Variants in TBCEL observed in about 807,000 individuals in gnomAD.
TBCEL encodes the protein tubulin-specific chaperone cofactor E-like protein.
TBCEL carries 15 observed loss-of-function variants against 44.2 expected under a neutral mutation model. That is an observed-to-expected ratio of 0.34 (90% CI 0.23 to 0.52). The LOEUF is 0.52. Ranked by LOEUF, TBCEL falls within the 20% of genes least tolerant of loss-of-function variation. TBCEL has a pLI of 0.95. For synonymous variants in TBCEL, 171 were observed against 185.4 expected, an observed-to-expected ratio of 0.92 and a Z score of 0.63; for missense variants, 319 against 506.3, an observed-to-expected ratio of 0.63 and a Z score of 3.55.
intron 4 of TBCEL, among the ~76,000 whole-genome samples, chr11:121,052,237 A>C (rs1298846424): frequency 6.6e-6 from 1 of 151,866 alleles, no homozygotes; most frequent in Non-Finnish European, 1.5e-5. Context: ...TGCAGTAGTG[A>C]AGTAGGTAAG....
rs549911760 is a variant in TBCEL at position 121,085,173 on chromosome 11, G to A, written c.957-1605G>A. On this transcript the variant is annotated intron_variant, in intron 8 of 8. Transcript: ENST00000683345. ...TCTGCCTCCGCCTCCTGAGTAGCTG[G>A]GACTACAGGCGCGCACCACCACCCC... is the stretch of plus-strand genomic sequence containing the variant. Among the ~76,000 whole-genome samples the A allele has an allele frequency of 1.3e-4, 19 of 151,978 alleles. No individual in the cohort carries two copies. In the East Asian group the frequency reaches 3.7e-3, roughly 29 times the overall value.
rs1946264127 is a variant in TBCEL, at chr11:121,089,642, C to T, written c.*2546C>T. On this transcript the variant is annotated 3_prime_UTR_variant, in exon 9 of 9. Transcript: ENST00000683345. Reference sequence around the variant, plus strand: ...AACCAAAATTATTTTTATAACAGAACTAAAAGAAGGAGAGAAGAGGCCATG... The same window carrying T: ...AACCAAAATTATTTTTATAACAGAATTAAAAGAAGGAGAGAAGAGGCCATG... 6.6e-6 allele frequency: 1 copy of T among 152,024 alleles called. No individual in the cohort carries two copies. The highest frequency in any genetic ancestry group is 1.9e-4 in the East Asian group (1 of 5,202). 9.4% of individuals were successfully genotyped at this position (152,024 alleles called of 1,614,324 possible).
intron 1 of TBCEL, among the ~76,000 whole-genome samples, chr11:121,034,168 G>C: frequency 6.6e-6 from 1 of 152,102 alleles, no homozygotes; most frequent in Non-Finnish European, 1.5e-5. Flanking sequence ...AGTTTTTGAG[G>C]AACAATCATA....
At chr11:121,080,204 C>G (rs1406776487) in intron 8 of TBCEL, among the ~76,000 whole-genome samples, 1 of 152,074 alleles carries the variant, frequency 6.6e-6, no homozygotes, top group Non-Finnish European at 1.5e-5. Context: ...TGTTACATTT[C>G]TTAAAGAGAG....
At chr11:121,060,326 C>T (rs573468972) in intron 8 of TBCEL, among the ~76,000 whole-genome samples, 40 of 151,922 alleles carry the variant, frequency 2.6e-4, no homozygotes, top group Non-Finnish European at 5.6e-4. Flanking sequence ...AAGTATTTGA[C>T]AATTCCAGTA....
In TBCEL at chr11:121,088,180, C is replaced by T. The variant is rs1364999889; in HGVS notation, c.*1084C>T. ...TGGAAGCCCTTGCTCTTGCACTTTG[C>T]ATTAAAAGTGGGAAACATTAATCAA... On this transcript the variant is annotated 3_prime_UTR_variant, in exon 9 of 9. Transcript: ENST00000683345. The T allele has an allele frequency of 6.6e-6, 1 of 152,174 alleles. No individual in the cohort carries two copies. The highest frequency in any genetic ancestry group is 1.9e-4 in the East Asian group (1 of 5,194). 9.4% of individuals were successfully genotyped at this position (152,174 alleles called of 1,614,324 possible).
In TBCEL at chr11:121,055,038, T is replaced by G; in HGVS notation, c.456-14T>G. ...CTGCTTTAAACAATGAAATATTTCC[T>G]TTTTTCTCTGCAGTTTGGAGGAGCT... On this transcript the variant is annotated splice_polypyrimidine_tract_variant and intron_variant, in intron 5 of 8. Coordinates refer to ENST00000683345, the MANE Select transcript of TBCEL (RefSeq NM_001363644.2). 1 of 1,453,978 alleles carries G rather than the reference T, an allele frequency of 6.9e-7. No homozygotes were observed. Among genetic ancestry groups the G allele is most frequent in the Non-Finnish European group, 9.1e-7 (1 of 1,099,442 alleles). The allele number at this position is 1,453,978 out of a possible 1,614,324, so 90.1% of individuals were successfully genotyped here.
In TBCEL at chr11:121,063,843, T is replaced by C. The variant is rs188394473; in HGVS notation, c.956+3758T>C. Among the ~76,000 whole-genome samples, 39 of 152,342 alleles carry C rather than the reference T, an allele frequency of 2.6e-4. No homozygotes were observed. In the East Asian group the frequency reaches 6.9e-3, roughly 27 times the overall value. The stretch of plus-strand genomic sequence containing the variant: ...TCTTTTCTGGTAGAATCTACACTTT[T>C]GGAAGTTTTACTTGTATTTGGTTTT... On this transcript the variant is annotated intron_variant, in intron 8 of 8. Coordinates refer to ENST00000683345, the MANE Select transcript of TBCEL (RefSeq NM_001363644.2).
chr11:121,057,703 A>G (rs1945647096), intron 6 of TBCEL: 1 of 428,686 alleles, frequency 2.3e-6, no homozygotes, highest in Non-Finnish European at 4.6e-6. Context: ...ACATTGTATT[A>G]GCTATTAAAA....
At chr11:121,042,910 G>A (rs571674542) in intron 2 of TBCEL, among the ~76,000 whole-genome samples, 1 of 152,230 alleles carries the variant, frequency 6.6e-6, no homozygotes, top group East Asian at 1.9e-4. Flanking sequence ...TACCCAGCTA[G>A]GGAAAGAGCT....
intron 8 of TBCEL, among the ~76,000 whole-genome samples, chr11:121,075,413 G>A (rs899835430): frequency 6.6e-6 from 1 of 151,962 alleles, no homozygotes; most frequent in African/African-American, 2.4e-5. Flanking sequence ...GAGGCATCAT[G>A]TTGAATGATT....
intron 1 of TBCEL, among the ~76,000 whole-genome samples, chr11:121,027,205 A>G (rs1430380384): frequency 6.6e-6 from 1 of 152,152 alleles, no homozygotes; most frequent in Admixed American, 6.5e-5. Flanking sequence ...ACTGATAGTG[A>G]TACAATTTGG....
chr11:121,041,341 T>C (rs547347168), intron 2 of TBCEL, among the ~76,000 whole-genome samples: 1 of 152,328 alleles, frequency 6.6e-6, no homozygotes, highest in Admixed American at 6.5e-5. Context: ...AAAAGTGTAC[T>C]GAGCACCTTA....
At chr11:121,030,441 A>G (rs747818006) in intron 1 of TBCEL, among the ~76,000 whole-genome samples, 10 of 152,190 alleles carry the variant, frequency 6.6e-5, no homozygotes, top group Non-Finnish European at 1.2e-4. Flanking sequence ...AATGATTTGT[A>G]TAAGAGTCAA....
chr11:121,084,240 C>T lies in TBCEL; in HGVS notation c.957-2538C>T, dbSNP rs190559680. ...CTAGGTTAGGTATAATAATTTTGGGCCATTCTTTCTGATTCATTTATTTGG... is the reference window on the plus strand; with the variant it reads ...CTAGGTTAGGTATAATAATTTTGGGTCATTCTTTCTGATTCATTTATTTGG... On this transcript the variant is annotated intron_variant, in intron 8 of 8. Coordinates refer to ENST00000683345, the MANE Select transcript of TBCEL (RefSeq NM_001363644.2). Among the ~76,000 whole-genome samples the T allele has an allele frequency of 5.5e-4, 84 of 152,240 alleles. 1 individual carries two copies. Among genetic ancestry groups the T allele is most frequent in the Admixed American group, 4.8e-3 (74 of 15,284 alleles).
intron 8 of TBCEL, among the ~76,000 whole-genome samples, chr11:121,081,312 A>T (rs1444317040): frequency 6.6e-6 from 1 of 152,170 alleles, no homozygotes; most frequent in African/African-American, 2.4e-5. Flanking sequence ...TGGACCAGAG[A>T]ACTTCTGAAC....
intron 5 of TBCEL, 109 bp downstream of exon 5, chr11:121,053,841 G>A (rs2134945090): frequency 8.0e-7 from 1 of 1,249,408 alleles, no homozygotes; most frequent in Non-Finnish European, 1.1e-6. Flanking sequence ...AGATTGAGTG[G>A]AGAAAGAGGT....
chr11:121,072,871 A>G (rs1945961697), intron 8 of TBCEL, among the ~76,000 whole-genome samples: 1 of 152,008 alleles, frequency 6.6e-6, no homozygotes, highest in African/African-American at 2.4e-5. Flanking sequence ...ATTACTTTTT[A>G]TGTATAGTTT....
At chr11:121,084,155 C>G (rs1340773261) in intron 8 of TBCEL, among the ~76,000 whole-genome samples, 1 of 152,196 alleles carries the variant, frequency 6.6e-6, no homozygotes, top group African/African-American at 2.4e-5. Flanking sequence ...CACTGTTGCA[C>G]TGGGTATTAA....
Sources: gnomAD v4.1 joint callset for allele counts (sites outside exome capture counted in the v4.1 genomes callset) on GRCh38, gnomAD v4.1.1 for gene constraint, MANE v1.5 for transcripts, NCBI Gene and HGNC (gene_info 2026-07-23, HGNC 2026-07-21) for gene names.